ERCC6L2: variants seen among roughly 807,000 people sequenced by gnomAD.
ERCC6L2 encodes DNA excision repair protein ERCC-6-like 2.
ERCC6L2 carries 77 observed loss-of-function variants against 132.0 expected under a neutral mutation model. That is an observed-to-expected ratio of 0.58 (90% CI 0.49 to 0.71). The LOEUF is 0.71. Among genes scored for constraint, ERCC6L2 ranks in the 30% least tolerant of loss-of-function variants. ERCC6L2 has a pLI of 0.00. For synonymous variants in ERCC6L2, 583 were observed against 632.4 expected (o/e 0.92, Z 1.17); for missense variants, 1,542 against 1,837.6 (o/e 0.84, Z 2.94).
intron 19 of ERCC6L2, among the ~76,000 whole-genome samples, chr9:96,026,927 C>A (rs1476721242): frequency 8.3e-6 from 1 of 120,410 alleles, no homozygotes; most frequent in Non-Finnish European, 1.8e-5. Context: ...CACACGCACA[C>A]ACCCCACACA....
At chr9:95,999,162 C>T (rs985249048) in intron 17 of ERCC6L2, among the ~76,000 whole-genome samples, 2 of 152,092 alleles carry the variant, frequency 1.3e-5, no homozygotes, top group Admixed American at 6.5e-5. Flanking sequence ...AGATCTAGAC[C>T]ATCCTGGCTA....
Position 95,972,293 on chromosome 9 carries a change from C to T in ERCC6L2, c.2542C>T (p.His848Tyr). Residue 848 changes from histidine to tyrosine, a missense_variant, in exon 16 of 19, where the codon CAT becomes TAT. Coordinates refer to ENST00000653738, the MANE Select transcript of ERCC6L2 (RefSeq NM_020207.7). Reference protein sequence around the residue: ...KNQDSLGTSKHQKLDNILNPK... With the variant: ...KNQDSLGTSKYQKLDNILNPK... ...TCAGGACTCTCTTGGTACTTCAAAA[C>T]ATCAGAAATTAGATAACATCCTAAA... 1 of 1,297,450 alleles carries T rather than the reference C, an allele frequency of 7.7e-7. No individual in the cohort carries two copies. Among genetic ancestry groups the T allele is most frequent in the East Asian group, 5.6e-5 (1 of 17,992 alleles). The allele number at this position is 1,297,450 out of a possible 1,614,324, so 80.4% of individuals were successfully genotyped here. A position where few individuals can be genotyped will look rare whatever the true frequency, so the allele number is the denominator to read the frequency against.
At chr9:95,882,554 T>C (rs904309434) in intron 2 of ERCC6L2, among the ~76,000 whole-genome samples, 1 of 152,202 alleles carries the variant, frequency 6.6e-6, no homozygotes, top group African/African-American at 2.4e-5. Flanking sequence ...TATTTTCTTC[T>C]TCATATTACC....
At chr9:95,939,525 G>A (rs945836762) in intron 11 of ERCC6L2, among the ~76,000 whole-genome samples, 3 of 152,002 alleles carry the variant, frequency 2.0e-5, no homozygotes, top group Admixed American at 6.6e-5. Context: ...TTCATATTTC[G>A]TGAATGATAC....
At chr9:96,034,673 G>A (rs1564314020) in intron 19 of ERCC6L2, among the ~76,000 whole-genome samples, 1 of 152,148 alleles carries the variant, frequency 6.6e-6, no homozygotes, top group African/African-American at 2.4e-5. Flanking sequence ...CCATGAAGCT[G>A]GTGGGAGCCC....
chr9:95,990,037 G>A (rs564787040), intron 17 of ERCC6L2, among the ~76,000 whole-genome samples: 1 of 152,316 alleles, frequency 6.6e-6, no homozygotes, highest in South Asian at 2.1e-4. Flanking sequence ...CACATAGGGG[G>A]TTAAGAACAA....
At chr9:96,036,059 G>A (rs1834515686) in intron 19 of ERCC6L2, among the ~76,000 whole-genome samples, 2 of 152,106 alleles carry the variant, frequency 1.3e-5, no homozygotes, top group Non-Finnish European at 2.9e-5. Context: ...TTTAATTGGG[G>A]TAAGATAACA....
intron 17 of ERCC6L2, among the ~76,000 whole-genome samples, chr9:95,997,895 TA>T (rs1322515808): frequency 6.6e-6 from 1 of 152,222 alleles, no homozygotes; most frequent in Non-Finnish European, 1.5e-5. Context: ...GTCACTACAA[TA>T]GCAACTGCAA....
chr9:95,964,680 T>C (rs750338094), intron 13 of ERCC6L2, among the ~76,000 whole-genome samples: 11 of 152,202 alleles, frequency 7.2e-5, no homozygotes, highest in Non-Finnish European at 1.5e-4. Flanking sequence ...TCTATTGTTA[T>C]GATGAGATCC....
chr9:95,880,783 G>GTA, intron 1 of ERCC6L2, 86 bp from the exon 2 acceptor site: 1 of 1,180,860 alleles, frequency 8.5e-7, no homozygotes, highest in Non-Finnish European at 1.2e-6. Context: ...TTTATGTGAG[G>GTA]TATATATTGT....
At chr9:95,974,725 TG>T (rs1832587150) in intron 16 of ERCC6L2, among the ~76,000 whole-genome samples, 1 of 113,208 alleles carries the variant, frequency 8.8e-6, no homozygotes, top group African/African-American at 3.2e-5. Context: ...GCCAGATTTG[TG>T]TGTGTGTGTG....
chr9:96,038,699 G>A (rs532465133), intron 19 of ERCC6L2, among the ~76,000 whole-genome samples: 5 of 152,222 alleles, frequency 3.3e-5, no homozygotes, highest in Non-Finnish European at 2.9e-5. Context: ...GCTGTCATGT[G>A]GGAGAAGAAT....
chr9:95,951,222 G>C (rs1419112597), intron 12 of ERCC6L2, among the ~76,000 whole-genome samples: 1 of 152,040 alleles, frequency 6.6e-6, no homozygotes, highest in East Asian at 1.9e-4. Context: ...CTTAACAAAA[G>C]GGTTGAAGAA....
chr9:95,970,052 T>G (rs1832342804), intron 14 of ERCC6L2, among the ~76,000 whole-genome samples: 1 of 152,184 alleles, frequency 6.6e-6, no homozygotes, highest in African/African-American at 2.4e-5. Context: ...TAGAATATTG[T>G]TTTTAGTTTC....
intron 1 of ERCC6L2, 169 bp downstream of exon 1, chr9:95,876,253 T>G (rs1408786325): frequency 1.7e-6 from 1 of 582,334 alleles, no homozygotes; most frequent in Non-Finnish European, 2.9e-6. Context: ...GATTCAGTGT[T>G]GAGAACCTGG....
chr9:95,974,722 TTGTGTGTGTG>T (rs139478214), intron 16 of ERCC6L2, among the ~76,000 whole-genome samples: 1 of 149,804 alleles, frequency 6.7e-6, no homozygotes, highest in South Asian at 2.1e-4. Flanking sequence ...GTGGCCAGAT[TTGTGTGTGTG>T]TGTGTGTGTG....
downstream of ERCC6L2, among the ~76,000 whole-genome samples, chr9:96,019,197 A>G (rs2133245362): frequency 6.6e-6 from 1 of 152,318 alleles, no homozygotes; most frequent in East Asian, 1.9e-4. Flanking sequence ...ATGTTTCTGA[A>G]CTGAAAGAAA....
At chr9:95,919,030 G>A (rs1359180386) in intron 6 of ERCC6L2, among the ~76,000 whole-genome samples, 3 of 152,032 alleles carry the variant, frequency 2.0e-5, no homozygotes, top group East Asian at 3.9e-4. Context: ...CACCATGCCC[G>A]GTTAATTTTT....
At chr9:96,028,143 C>CA (rs1834407541) in intron 19 of ERCC6L2, among the ~76,000 whole-genome samples, 1 of 152,030 alleles carries the variant, frequency 6.6e-6, no homozygotes, top group Non-Finnish European at 1.5e-5. Context: ...AAGGGTCACA[C>CA]ACTGAGCATC....
Sources: gnomAD v4.1 joint callset for allele counts (sites outside exome capture counted in the v4.1 genomes callset) on GRCh38, gnomAD v4.1.1 for gene constraint, MANE v1.5 for transcripts, NCBI Gene and HGNC (gene_info 2026-07-23, HGNC 2026-07-21) for gene names.